The following LAMA2 variants were observed in gnomAD, a reference collection of about 807,000 sequenced individuals.
LAMA2 encodes laminin subunit alpha-2.
In LAMA2, 269 loss-of-function variants were observed where a neutral mutation model predicts 364.8. The ratio of observed to expected loss-of-function variants is 0.74; its 90% CI spans 0.67 to 0.82. The LOEUF is 0.82. Among genes scored for constraint, LAMA2 ranks in the 40% least tolerant of loss-of-function variants. The pLI is 0.00. For synonymous variants in LAMA2, 1,379 were observed against 1,370.6 expected, an observed-to-expected ratio of 1.01 and a Z score of -0.14; for missense variants, 3,807 against 3,873.2, an observed-to-expected ratio of 0.98 and a Z score of 0.45.
intron 17 of LAMA2, among the ~76,000 whole-genome samples, chr6:129,272,447 T>G (rs1229788382): frequency 6.6e-6 from 1 of 152,182 alleles, no homozygotes; most frequent in Non-Finnish European, 1.5e-5. Flanking sequence ...ATCTAAGAGC[T>G]GATTGTTATT....
chr6:129,469,780 A>T (rs1036387241), intron 51 of LAMA2, among the ~76,000 whole-genome samples: 1 of 151,950 alleles, frequency 6.6e-6, no homozygotes, highest in Non-Finnish European at 1.5e-5. Flanking sequence ...AGCAATAAAA[A>T]ATAAAGTATT....
At chr6:129,479,169 T>C (rs1433788280) in intron 54 of LAMA2, among the ~76,000 whole-genome samples, 1 of 152,190 alleles carries the variant, frequency 6.6e-6, no homozygotes, top group Admixed American at 6.5e-5. Context: ...TATAGCTTTA[T>C]TAGCAACCTT....
intron 49 of LAMA2, among the ~76,000 whole-genome samples, chr6:129,463,088 A>T (rs1783342800): frequency 6.6e-6 from 1 of 152,048 alleles, no homozygotes; most frequent in Non-Finnish European, 1.5e-5. Flanking sequence ...AGTAAAATTT[A>T]GTTAGCTGAG....
At chr6:129,065,050 G>A (rs183390202) in intron 3 of LAMA2, among the ~76,000 whole-genome samples, 3 of 152,224 alleles carry the variant, frequency 2.0e-5, no homozygotes, top group Non-Finnish European at 4.4e-5. Context: ...ACATTAAAAG[G>A]ATCATTCACT....
At chr6:128,945,887 T>C (rs1307109171) in intron 1 of LAMA2, among the ~76,000 whole-genome samples, 1 of 152,202 alleles carries the variant, frequency 6.6e-6, no homozygotes, top group East Asian at 1.9e-4. Context: ...GTGGCTAAAT[T>C]AGTTTTCTTC....
chr6:129,503,347 C>A, intron 60 of LAMA2, 67 bp downstream of exon 60: 1 of 1,445,762 alleles, frequency 6.9e-7, no homozygotes, highest in Non-Finnish European at 9.7e-7. Context: ...CAGCATTCTC[C>A]TGGTGCCAGT....
At chr6:129,144,978 A>C (rs964828155) in intron 5 of LAMA2, among the ~76,000 whole-genome samples, 13 of 151,982 alleles carry the variant, frequency 8.6e-5, no homozygotes, top group African/African-American at 3.1e-4. Flanking sequence ...CACCTCCCAC[A>C]TATGCTGCTA....
chr6:129,292,073 G>A (rs1263706879), intron 20 of LAMA2, among the ~76,000 whole-genome samples: 2 of 152,166 alleles, frequency 1.3e-5, no homozygotes, highest in African/African-American at 2.4e-5. Context: ...GGGGCTGGGC[G>A]CGGTGGCTCA....
chr6:129,199,647 T>C (rs1308955986), intron 12 of LAMA2, among the ~76,000 whole-genome samples: 1 of 152,158 alleles, frequency 6.6e-6, no homozygotes, highest in Non-Finnish European at 1.5e-5. Context: ...AAAATTAATA[T>C]ACAAAAGTCA....
Position 129,349,168 on chromosome 6 carries a change from C to T in LAMA2, c.4437-130C>T, listed in dbSNP as rs528260650. 1.1e-3 allele frequency: 759 copies of T among 704,934 alleles called. 2 individuals are homozygous for T. The highest frequency in any genetic ancestry group is 1.7e-3 in the Non-Finnish European group (664 of 394,264). 43.7% of individuals were successfully genotyped at this position (704,934 alleles called of 1,614,324 possible). On this transcript the variant is annotated intron_variant, in intron 30 of 64. Coordinates refer to ENST00000421865, the MANE Select transcript of LAMA2 (RefSeq NM_000426.4). ...TCCTAGCCTTAAATAAGAACTTCAG[C>T]AATAATTATAAAGATGGCATTTATT...
At position 129,105,486 on chromosome 6, in the gene LAMA2, A is replaced by G. The variant is rs549366551; in HGVS notation, c.639+7071A>G. 3.2e-4 allele frequency among the ~76,000 whole-genome samples: 49 copies of G among 152,322 alleles called. 2 individuals carry two copies. The South Asian group carries it at 7.7e-3, about 24-fold the overall frequency. On this transcript the variant is annotated intron_variant, in intron 4 of 64. Transcript: ENST00000421865. Reference sequence around the variant, plus strand: ...CATTATATTTGTCAGAGGCTCATTAAGCCCTATGTATATTTTAAACAAGTA... The same window carrying G: ...CATTATATTTGTCAGAGGCTCATTAGGCCCTATGTATATTTTAAACAAGTA...
chr6:129,474,655 C>T (rs889498149), intron 52 of LAMA2, among the ~76,000 whole-genome samples: 6 of 152,062 alleles, frequency 3.9e-5, no homozygotes, highest in African/African-American at 1.4e-4. Context: ...TAAATACAGC[C>T]AAACCTAAGG....
At position 129,315,906 on chromosome 6, in the gene LAMA2, C is replaced by T. The variant is rs2114502459; in HGVS notation, c.3880C>T (p.Pro1294Ser). The T allele has an allele frequency of 6.2e-7, 1 of 1,614,064 alleles. No homozygotes were observed. The highest frequency in any genetic ancestry group is 8.5e-7 in the Non-Finnish European group (1 of 1,180,032). ...ARIIVRHMAA[P>S]LIGQLTRHEI... ...AATTATCGTCAGGCATATGGCTGCT[C>T]CTCTGATTGGCCAATTGACAAGGCA... Residue 1294 changes from proline (P) to serine (S), a missense_variant, in exon 26 of 65, where the codon CCT (proline) becomes TCT (serine). Pro to Ser is a moderately conservative substitution (Grantham distance 74). This residue lies in a region of LAMA2 where 3,333 missense variants were observed against 3,345.7 expected (regional missense o/e 1.00). Coordinates refer to ENST00000421865, the MANE Select transcript of LAMA2 (RefSeq NM_000426.4).
At chr6:129,482,420 A>G (rs1784392532) in intron 55 of LAMA2, among the ~76,000 whole-genome samples, 1 of 152,200 alleles carries the variant, frequency 6.6e-6, no homozygotes, top group Non-Finnish European at 1.5e-5. Context: ...AATATCTTCA[A>G]TCACATTTTT....
intron 1 of LAMA2, among the ~76,000 whole-genome samples, chr6:129,049,159 T>C (rs1787817793): frequency 1.3e-5 from 2 of 152,082 alleles, no homozygotes; most frequent in Admixed American, 1.3e-4. Flanking sequence ...TGAAGCACAA[T>C]TGACATTAAC....
chr6:129,192,823 G>T lies in LAMA2; in HGVS notation c.1752G>T (p.Trp584Cys). ...ARQALPHSYYWSAPAPYLGNK... is the reference protein window; with the variant it reads ...ARQALPHSYYCSAPAPYLGNK... ...AAGCCCTGCCGCACAGCTACTACTG[G>T]AGCGCGCCGGCTCCCTATCTGGGAA... is the stretch of plus-strand genomic sequence containing the variant. Residue 584 changes from tryptophan to cysteine, a missense_variant, in exon 12 of 65, where the codon TGG (tryptophan) becomes TGT (cysteine). Trp to Cys is a radical substitution (Grantham distance 215, BLOSUM62 -2). Around this residue, in one of 3 missense-constraint regions of LAMA2, gnomAD observed 3,333 missense variants for 3,345.7 expected, o/e 1.00. Transcript: ENST00000421865. The T allele has an allele frequency of 6.2e-7, 1 of 1,614,090 alleles. No homozygotes were observed. The highest frequency in any genetic ancestry group is 1.1e-5 in the South Asian group (1 of 91,072).
At chr6:129,372,264 A>C (rs149458802) in intron 34 of LAMA2, among the ~76,000 whole-genome samples, 1 of 152,296 alleles carries the variant, frequency 6.6e-6, no homozygotes, top group East Asian at 1.9e-4. Context: ...AATATAGAAA[A>C]GTTTTACTGC....
At chr6:129,220,928 G>A (rs1254680184) in intron 12 of LAMA2, among the ~76,000 whole-genome samples, 1 of 152,174 alleles carries the variant, frequency 6.6e-6, no homozygotes, top group Non-Finnish European at 1.5e-5. Context: ...GTGGGAGGCC[G>A]AGGAGGGTGG....
intron 9 of LAMA2, among the ~76,000 whole-genome samples, chr6:129,173,762 C>T (rs1780378952): frequency 6.6e-6 from 1 of 151,912 alleles, no homozygotes; most frequent in Non-Finnish European, 1.5e-5. Context: ...TCATGGTTTG[C>T]ACTTCTTCAT....
Sources: gnomAD v4.1 joint callset for allele counts (sites outside exome capture counted in the v4.1 genomes callset) on GRCh38, gnomAD v4.1.1 for gene constraint, gnomAD v4.1.1 regional missense constraint, MANE v1.5 for transcripts, NCBI Gene and HGNC (gene_info 2026-07-23, HGNC 2026-07-21) for gene names.